SURF2: variants seen among roughly 807,000 people sequenced by gnomAD.
SURF2 encodes surfeit locus protein 2.
SURF2 carries 32 observed loss-of-function variants against 26.2 expected under a neutral mutation model. That is an observed-to-expected ratio of 1.22 (90% CI 0.92 to 1.64). The LOEUF is 1.64. Ranked by LOEUF, SURF2 falls within the 40% of genes most tolerant of loss-of-function variation. The pLI, the probability that SURF2 is intolerant of heterozygous loss-of-function variation, is 0.00. For missense variants in SURF2, 415 were observed against 341.6 expected (o/e 1.21, Z -1.69); for synonymous variants, 173 against 139.1 (o/e 1.24, Z -1.71).
At chr9:133,356,752 G>A in intron 1 of SURF2, 82 bp downstream of exon 1, 1 of 1,405,290 alleles carries the variant, frequency 7.1e-7, no homozygotes, top group Non-Finnish European at 9.4e-7. Context: ...GGGGAGAGGA[G>A]AGGGCAGGGG....
chr9:133,357,196 T>A, intron 2 of SURF2, 128 bp downstream of exon 2: 1 of 1,217,466 alleles, frequency 8.2e-7, no homozygotes, highest in Non-Finnish European at 1.1e-6. Context: ...GGCGCCCGGG[T>A]GCTGGAATCA....
At chr9:133,356,812 C>T in intron 1 of SURF2, 102 bp from the exon 2 acceptor site, 1 of 1,402,482 alleles carries the variant, frequency 7.1e-7, no homozygotes, top group Admixed American at 2.6e-5. Flanking sequence ...GGAGAGGGCG[C>T]GGCGGGATCA....
intron 3 of SURF2, among the ~76,000 whole-genome samples, chr9:133,359,726 G>A (rs2130043750): frequency 5.3e-5 from 8 of 152,336 alleles, no homozygotes; most frequent in Admixed American, 2.6e-4. Context: ...TAAAGGCCCC[G>A]TAGACCTCTA....
At chr9:133,359,902 A>T (rs2130044492) in intron 3 of SURF2, 48 bp from the exon 4 acceptor site, 2 of 1,552,996 alleles carry the variant, frequency 1.3e-6, no homozygotes, top group East Asian at 4.6e-5. Flanking sequence ...GGCCCAGAGG[A>T]CCGTGGGGGG....
intron 2 of SURF2, 28 bp from the exon 3 acceptor site, chr9:133,357,683 C>T: frequency 6.2e-7 from 1 of 1,609,332 alleles, no homozygotes; most frequent in Non-Finnish European, 8.5e-7. Context: ...TGAACTGTCC[C>T]TACAAATTTG....
chr9:133,357,417 T>C (rs1037876250), intron 2 of SURF2, among the ~76,000 whole-genome samples: 5 of 152,146 alleles, frequency 3.3e-5, no homozygotes, highest in African/African-American at 9.7e-5. Flanking sequence ...AGAGATAGGA[T>C]GTTTCCATTC....
intron 1 of SURF2, 22 bp from the exon 2 acceptor site, chr9:133,356,892 C>T (rs2130030913): frequency 7.2e-6 from 11 of 1,535,546 alleles, no homozygotes; most frequent in Non-Finnish European, 8.8e-6. Context: ...TCCTGACGTC[C>T]TGCCCGCCCA....
rs2130048234 is a variant in SURF2 at position 133,360,143 on chromosome 9, G to C, written c.517+14G>C. On this transcript the variant is annotated intron_variant, in intron 4 of 5. Coordinates refer to ENST00000371964, the MANE Select transcript of SURF2 (RefSeq NM_017503.5). ...ACCTGTACCCACGTAAGCAGAACAGGCCCTGCTTCTCCCTGACCCTCTACT... is the reference window on the plus strand; with the variant it reads ...ACCTGTACCCACGTAAGCAGAACAGCCCCTGCTTCTCCCTGACCCTCTACT... The C allele has an allele frequency of 0.091, 144,984 of 1,594,098 alleles. 8,410 individuals are homozygous for C. Among genetic ancestry groups the C allele is most frequent in the African/African-American group, 0.27 (20,516 of 74,666 alleles).
chr9:133,360,235 A>G lies in SURF2; in HGVS notation c.518-30A>G, dbSNP rs199647229. The G allele has an allele frequency of 2.9e-5, 46 of 1,608,304 alleles. No individual in the cohort carries two copies. In the Middle Eastern group the frequency reaches 6.6e-4, roughly 23 times the overall value. ...GTGGCAGCGAACTCAGCCTAAAATA[A>G]CTGTCAGCCAATCCCTGTGTTCCTC... is the stretch of plus-strand genomic sequence containing the variant. On this transcript the variant is annotated intron_variant, in intron 4 of 5. Coordinates refer to ENST00000371964, the MANE Select transcript of SURF2 (RefSeq NM_017503.5).
chr9:133,357,514 T>G (rs2130034557), intron 2 of SURF2, among the ~76,000 whole-genome samples, 197 bp from the exon 3 acceptor site: 11 of 152,276 alleles, frequency 7.2e-5, no homozygotes, highest in African/African-American at 2.6e-4. Context: ...GCTTTTCCGG[T>G]AAACATTAAG....
At chr9:133,357,102 G>C in intron 2 of SURF2, 34 bp downstream of exon 2, 1 of 1,522,942 alleles carries the variant, frequency 6.6e-7, no homozygotes, top group Middle Eastern at 2.1e-4. Flanking sequence ...GGAGGCCCAG[G>C]GCAATTAGGA....
In SURF2 at chr9:133,360,341, G is replaced by A. The variant is rs1836731101; in HGVS notation, c.594G>A (p.Glu198=). ...DGTDDFLTDK[E]DEKAKPPREK... ...CTGATGACTTTTTGACAGACAAAGAGGATGAGAAGGCAAAGCCCCCAAGAG... is the reference window on the plus strand; with the variant it reads ...CTGATGACTTTTTGACAGACAAAGAAGATGAGAAGGCAAAGCCCCCAAGAG... The change falls in exon 5 of 6, where the codon GAG becomes GAA. Residue 198 remains glutamate (E), a synonymous_variant. Coordinates refer to ENST00000371964, the MANE Select transcript of SURF2 (RefSeq NM_017503.5). 1 of 1,614,062 alleles carries A rather than the reference G, an allele frequency of 6.2e-7. No individual in the cohort carries two copies. Among genetic ancestry groups the A allele is most frequent in the African/African-American group, 1.3e-5 (1 of 74,936 alleles).
intron 1 of SURF2, 64 bp downstream of exon 1, chr9:133,356,734 GGAGGGCAGGGGAGAGGA>G (rs1263042188): frequency 4.2e-5 from 61 of 1,455,280 alleles, no homozygotes; most frequent in Middle Eastern, 2.4e-4. Context: ...GGGGCTGAGG[GGAGGGCAGGGGAGAGGA>G]GAGGGCAGGG....
At position 133,356,937 on chromosome 9, in the gene SURF2, C is replaced by T; in HGVS notation, c.102C>T (p.His34=). ...AGGTGAGGTGCATCCTGACAGGTCACGAGCTGCCCTGCCGCCTGCCGGAGC... is the reference window on the plus strand; with the variant it reads ...AGGTGAGGTGCATCCTGACAGGTCATGAGCTGCCCTGCCGCCTGCCGGAGC... The part of the protein sequence containing the change: ...ARKVRCILTG[H]ELPCRLPELQ... The change falls in exon 2 of 6, where the codon CAC becomes CAT. Residue 34 remains histidine (H), a synonymous_variant. Transcript: ENST00000371964. The T allele has an allele frequency of 6.4e-7, 1 of 1,564,742 alleles. No homozygotes were observed. Among genetic ancestry groups the T allele is most frequent in the Non-Finnish European group, 8.7e-7 (1 of 1,155,280 alleles).
intron 3 of SURF2, 136 bp downstream of exon 3, chr9:133,357,950 G>C (rs1478898239): frequency 2.5e-6 from 2 of 801,750 alleles, no homozygotes; most frequent in Non-Finnish European, 4.0e-6. Context: ...TTGGCACAGT[G>C]AAGAGAGGGA....
rs2130047297 is a variant in SURF2, at chr9:133,360,062, C to G, written c.450C>G (p.Phe150Leu). The change falls in exon 4 of 6, where the codon TTC becomes TTG. Residue 150 changes from phenylalanine (F) to leucine (L), a missense_variant. Transcript: ENST00000371964. ...DGDGPRPREA[F>L]WEPTSSDEGG... is the part of the protein sequence containing the mutation. Reference sequence around the variant, plus strand: ...ACGGGCCTCGCCCGCGGGAAGCCTTCTGGGAGCCCACATCCAGTGATGAGG... The same window carrying G: ...ACGGGCCTCGCCCGCGGGAAGCCTTGTGGGAGCCCACATCCAGTGATGAGG... 6.2e-7 allele frequency: 1 copy of G among 1,614,026 alleles called. No homozygotes were observed. The highest frequency in any genetic ancestry group is 1.1e-5 in the South Asian group (1 of 91,070).
rs117773730 is a variant in SURF2 at position 133,357,557 on chromosome 9, C to T, written c.234-154C>T. On this transcript the variant is annotated intron_variant, in intron 2 of 5. Transcript: ENST00000371964. Reference sequence around the variant, plus strand: ...AGTCGGCCTGGGTCAGACGGTTCCCCACCCAGCTTCAGAGTGGAATTGCTC... The same window carrying T: ...AGTCGGCCTGGGTCAGACGGTTCCCTACCCAGCTTCAGAGTGGAATTGCTC... 2.3e-3 allele frequency among the ~76,000 whole-genome samples: 350 copies of T among 152,316 alleles called. 1 individual carries two copies. The Middle Eastern group carries it at 0.027, about 12-fold the overall frequency.
rs1338708354 is a variant in SURF2, at chr9:133,359,611, C to CT, written c.338-336dup. ...TGGCATCACTGCCAGCCCGAGTTGC[C>CT]TTTGAGAGGCCATGCCAAGCTCACT... is the stretch of plus-strand genomic sequence containing the variant. On this transcript the variant is annotated intron_variant, in intron 3 of 5. Transcript: ENST00000371964. Among the ~76,000 whole-genome samples the CT allele has an allele frequency of 2.0e-5, 3 of 152,366 alleles. No individual in the cohort carries two copies. In the East Asian group the frequency reaches 5.8e-4, roughly 29 times the overall value.
intron 3 of SURF2, 129 bp from the exon 4 acceptor site, chr9:133,359,821 T>A: frequency 8.9e-7 from 1 of 1,122,900 alleles, no homozygotes; most frequent in African/African-American, 1.6e-5. Flanking sequence ...ACCCAGCAGC[T>A]GCTCTGGTTT....
Sources: gnomAD v4.1 joint callset for allele counts (sites outside exome capture counted in the v4.1 genomes callset) on GRCh38, gnomAD v4.1.1 for gene constraint, MANE v1.5 for transcripts, NCBI Gene and HGNC (gene_info 2026-07-23, HGNC 2026-07-21) for gene names.